The following FAM177A1 variants were observed in gnomAD, a reference collection of about 807,000 sequenced individuals.
FAM177A1 encodes the protein protein FAM177A1.
A neutral mutation model predicts 26.1 loss-of-function variants in FAM177A1; 22 were observed. The observed-to-expected ratio is 0.84, with a 90% CI of 0.60 to 1.20. The LOEUF is 1.20. Among genes scored for constraint, FAM177A1 ranks in the 50% most tolerant of loss-of-function variants. The probability of loss-of-function intolerance (pLI) is 0.00; values close to 1 mark genes in which losing one functional copy is unlikely to be tolerated. For missense variants in FAM177A1, 296 were observed against 291.1 expected (o/e 1.02, Z -0.12); for synonymous variants, 95 against 99.3 (o/e 0.96, Z 0.26).
At chr14:35,047,712 G>A (rs1414438132) in intron 1 of FAM177A1, among the ~76,000 whole-genome samples, 1 of 152,024 alleles carries the variant, frequency 6.6e-6, no homozygotes, top group East Asian at 1.9e-4. Context: ...TCACGCCACT[G>A]CACTCCAGGC....
chr14:35,081,271 T>G lies in FAM177A1; in HGVS notation c.*43T>G. On this transcript the variant is annotated 3_prime_UTR_variant, in exon 5 of 5. Coordinates refer to ENST00000280987, the MANE Select transcript of FAM177A1 (RefSeq NM_173607.5). ...GCTTCAAACTCTTAAGTTTTTTTTT[T>G]TTAATACAAAAACTTTCACATTCTT... 2 of 1,554,176 alleles carry G rather than the reference T, an allele frequency of 1.3e-6. No homozygotes were observed. Among genetic ancestry groups the G allele is most frequent in the Non-Finnish European group, 1.7e-6 (2 of 1,157,160 alleles).
At chr14:35,049,791 G>GA (rs577107184) in intron 1 of FAM177A1, among the ~76,000 whole-genome samples, 97 of 151,722 alleles carry the variant, frequency 6.4e-4, no homozygotes, top group African/African-American at 2.2e-3. Context: ...TTTCAAAAAA[G>GA]AAAAAAACAG....
At chr14:35,074,346 G>A (rs1447344913) in intron 2 of FAM177A1, among the ~76,000 whole-genome samples, 1 of 151,888 alleles carries the variant, frequency 6.6e-6, no homozygotes, top group East Asian at 1.9e-4. Context: ...TTTATTTAGA[G>A]ATGGAGTCTT....
chr14:35,050,928 G>C (rs1306259272), intron 1 of FAM177A1: 3 of 152,122 alleles, frequency 2.0e-5, no homozygotes, highest in African/African-American at 7.2e-5. Flanking sequence ...GGGCTTGGGG[G>C]TAGGTAGAAG....
intron 2 of FAM177A1, among the ~76,000 whole-genome samples, chr14:35,066,059 C>A (rs1347119688): frequency 1.3e-5 from 2 of 151,858 alleles, no homozygotes; most frequent in Non-Finnish European, 2.9e-5. Context: ...GAATTCTAAT[C>A]CTTTTTTTTA....
chr14:35,045,352 T>C (rs913625009), upstream of FAM177A1, among the ~76,000 whole-genome samples: 1 of 152,184 alleles, frequency 6.6e-6, no homozygotes, highest in Non-Finnish European at 1.5e-5. Flanking sequence ...CAGTTATACA[T>C]AGAATAGGAA....
At chr14:35,053,590 A>G in intron 2 of FAM177A1, 139 bp downstream of exon 2, 1 of 758,430 alleles carries the variant, frequency 1.3e-6, no homozygotes, top group Non-Finnish European at 2.2e-6. Flanking sequence ...GGTGATTTTG[A>G]TAGAAAATAA....
At chr14:35,070,848 A>G (rs2138559736) in intron 2 of FAM177A1, among the ~76,000 whole-genome samples, 2 of 152,218 alleles carry the variant, frequency 1.3e-5, no homozygotes, top group East Asian at 3.9e-4. Flanking sequence ...GGATAGAGAA[A>G]ATATGTAAGG....
intron 2 of FAM177A1, among the ~76,000 whole-genome samples, chr14:35,076,281 T>C (rs2045394341): frequency 6.6e-6 from 1 of 152,204 alleles, no homozygotes; most frequent in Admixed American, 6.5e-5. Context: ...GATGAGTTCA[T>C]GTCCTTTGTA....
chr14:35,048,184 C>A (rs550375482), intron 1 of FAM177A1, among the ~76,000 whole-genome samples: 2 of 152,304 alleles, frequency 1.3e-5, no homozygotes, highest in Admixed American at 6.5e-5. Context: ...AGTGCACTTA[C>A]ACTTAACCTT....
At chr14:35,057,977 T>G (rs1046430906) in intron 2 of FAM177A1, among the ~76,000 whole-genome samples, 1 of 152,180 alleles carries the variant, frequency 6.6e-6, no homozygotes, top group African/African-American at 2.4e-5. Flanking sequence ...TATAGGTGTC[T>G]GTGAGGTCTA....
intron 3 of FAM177A1, 63 bp from the exon 4 acceptor site, chr14:35,078,864 C>A: frequency 8.4e-7 from 1 of 1,186,054 alleles, no homozygotes; most frequent in Non-Finnish European, 1.2e-6. Flanking sequence ...GTGTCTTACA[C>A]ATAGAAAGTG....
intron 2 of FAM177A1, among the ~76,000 whole-genome samples, chr14:35,064,760 C>T (rs901770346): frequency 1.3e-5 from 2 of 151,692 alleles, no homozygotes; most frequent in African/African-American, 4.8e-5. Context: ...ACACCATTCT[C>T]CTTGCCTCAG....
In FAM177A1 at chr14:35,046,440, A is replaced by T; in HGVS notation, c.-24A>T. ...CACTTCCCGACAGCCTGGCTCGGCC[A>T]GCGACTGGGCGGGGAGACCAAGGAT... On this transcript the variant is annotated 5_prime_UTR_variant, in exon 1 of 5. Coordinates refer to ENST00000280987, the MANE Select transcript of FAM177A1 (RefSeq NM_173607.5). 6.6e-7 allele frequency: 1 copy of T among 1,525,936 alleles called. No individual in the cohort carries two copies. The highest frequency in any genetic ancestry group is 2.6e-5 in the East Asian group (1 of 38,950). The allele number at this position is 1,525,936 out of a possible 1,614,324, so 94.5% of individuals were successfully genotyped here.
chr14:35,066,594 G>A (rs182860821), intron 2 of FAM177A1, among the ~76,000 whole-genome samples: 87 of 150,908 alleles, frequency 5.8e-4, no homozygotes, highest in African/African-American at 2.0e-3. Context: ...TAGTAGAGAC[G>A]AGGTTTCACC....
Position 35,081,177 on chromosome 14 carries a change from C to T in FAM177A1, c.660C>T (p.Asp220=). Residue 220 remains aspartate, a synonymous_variant, in exon 5 of 5, where the codon GAC becomes GAT. Coordinates refer to ENST00000280987, the MANE Select transcript of FAM177A1 (RefSeq NM_173607.5). The stretch of plus-strand genomic sequence containing the variant: ...ATGTCAATTTTGAAATGGAGGGAGA[C>T]AGTGAAGTAATTATGGAAAGCAAGC... The part of the protein sequence containing the change: ...FVNVNFEMEG[D]SEVIMESKQN... The T allele has an allele frequency of 6.2e-7, 1 of 1,613,078 alleles. No individual in the cohort carries two copies. The highest frequency in any genetic ancestry group is 8.5e-7 in the Non-Finnish European group (1 of 1,179,724).
At chr14:35,046,934 C>T in intron 1 of FAM177A1, 1 of 1,157,360 alleles carries the variant, frequency 8.6e-7, no homozygotes, top group Non-Finnish European at 1.1e-6. Flanking sequence ...AAAGGCTGTC[C>T]TTGCAGTAGC....
At position 35,079,414 on chromosome 14, in the gene FAM177A1, A is replaced by G. The variant is rs143924095; in HGVS notation, c.504+390A>G. Among the ~76,000 whole-genome samples the G allele has an allele frequency of 2.8e-3, 421 of 152,322 alleles. 3 individuals carry two copies. Among genetic ancestry groups the G allele is most frequent in the African/African-American group, 9.9e-3 (411 of 41,574 alleles). On this transcript the variant is annotated intron_variant, in intron 4 of 4. Transcript: ENST00000280987. Reference sequence around the variant, plus strand: ...TTGGCACAGATAAAAATTTAAGTACAAGAAATGTGTATGTGCCAGGTGTTA... The same window carrying G: ...TTGGCACAGATAAAAATTTAAGTACGAGAAATGTGTATGTGCCAGGTGTTA...
chr14:35,060,577 G>A (rs1300939666), intron 2 of FAM177A1, among the ~76,000 whole-genome samples: 3 of 151,896 alleles, frequency 2.0e-5, no homozygotes, highest in African/African-American at 7.3e-5. Context: ...GCAACTCTGG[G>A]TACTGTGCCC....
Sources: allele counts gnomAD v4.1 joint callset (sites outside exome capture counted in the v4.1 genomes callset), GRCh38; gene constraint gnomAD v4.1.1; transcripts MANE v1.5; gene names NCBI Gene and HGNC (gene_info 2026-07-23, HGNC 2026-07-21).